The following SREK1IP1 variants were observed in gnomAD, a reference collection of about 807,000 sequenced individuals.
SREK1IP1 encodes protein SREK1IP1.
In SREK1IP1, 12 loss-of-function variants were observed where a neutral mutation model predicts 22.8. The observed-to-expected ratio is 0.53, with a 90% CI of 0.34 to 0.85. The LOEUF (loss-of-function observed/expected upper bound fraction) is 0.85, where lower values mean the gene tolerates loss of function less well. Ranked by LOEUF, SREK1IP1 falls within the 40% of genes least tolerant of loss-of-function variation. The pLI is 0.02. For missense variants in SREK1IP1, 147 were observed against 171.8 expected (o/e 0.86, Z 0.81); for synonymous variants, 53 against 52.7 (o/e 1.01, Z -0.02).
At chr5:64,747,784 C>T (rs537896991) in intron 2 of SREK1IP1, among the ~76,000 whole-genome samples, 2 of 152,032 alleles carry the variant, frequency 1.3e-5, no homozygotes, top group Admixed American at 6.5e-5. Flanking sequence ...AAAAAGTAGC[C>T]GGGCATGGTG....
chr5:64,767,602 G>T (rs1218500659), intron 1 of SREK1IP1, among the ~76,000 whole-genome samples: 1 of 152,190 alleles, frequency 6.6e-6, no homozygotes, highest in African/African-American at 2.4e-5. Flanking sequence ...ATAATACTGG[G>T]AAGTGCAGGT....
intron 1 of SREK1IP1, among the ~76,000 whole-genome samples, chr5:64,759,311 C>G (rs759010732): frequency 9.9e-5 from 15 of 152,272 alleles, no homozygotes; most frequent in Admixed American, 2.0e-4. Flanking sequence ...AAATCCATGT[C>G]AAAGTGACTA....
chr5:64,761,055 T>C (rs1438944585), intron 1 of SREK1IP1, among the ~76,000 whole-genome samples: 1 of 152,254 alleles, frequency 6.6e-6, no homozygotes, highest in Non-Finnish European at 1.5e-5. Context: ...TTATTGCATT[T>C]GTAAATTCTT....
At chr5:64,731,737 G>A (rs992554387) in intron 3 of SREK1IP1, among the ~76,000 whole-genome samples, 14 of 151,698 alleles carry the variant, frequency 9.2e-5, no homozygotes, top group Non-Finnish European at 1.5e-4. Context: ...GTAGTTTAGA[G>A]AACTAAAAAT....
In SREK1IP1 at chr5:64,718,970, T is replaced by A. The variant is rs539847969; in HGVS notation, c.*5414A>T. The A allele has an allele frequency of 6.6e-6, 1 of 152,320 alleles. No individual in the cohort carries two copies. Among genetic ancestry groups the A allele is most frequent in the African/African-American group, 2.4e-5 (1 of 41,578 alleles). 9.4% of individuals were successfully genotyped at this position (152,320 alleles called of 1,614,324 possible). A position where few individuals can be genotyped will look rare whatever the true frequency, so the allele number is the denominator to read the frequency against. On this transcript the variant is annotated 3_prime_UTR_variant, in exon 5 of 5. Transcript: ENST00000513458. The stretch of plus-strand genomic sequence containing the variant: ...TGAATACAGCTTCTCTGGTCTGATA[T>A]ATAAAAAAGAATACCTTATTTTTCT...
intron 2 of SREK1IP1, among the ~76,000 whole-genome samples, chr5:64,743,709 A>G (rs541344438): frequency 2.0e-5 from 3 of 152,272 alleles, no homozygotes; most frequent in Non-Finnish European, 4.4e-5. Context: ...ATTTTGCTAT[A>G]TATTTTGAGA....
intron 3 of SREK1IP1, among the ~76,000 whole-genome samples, chr5:64,728,875 T>C (rs1324628819): frequency 1.3e-5 from 2 of 152,202 alleles, no homozygotes; most frequent in Non-Finnish European, 2.9e-5. Flanking sequence ...GAAGTATTTC[T>C]GGGTGACAGA....
rs887390543 is a variant in SREK1IP1, at chr5:64,718,873, A to G, written c.*5511T>C. The G allele has an allele frequency of 1.2e-4, 19 of 152,230 alleles. No homozygotes were observed. The highest frequency in any genetic ancestry group is 4.1e-4 in the African/African-American group (17 of 41,472). 9.4% of individuals were successfully genotyped at this position (152,230 alleles called of 1,614,324 possible). On this transcript the variant is annotated 3_prime_UTR_variant, in exon 5 of 5. Coordinates refer to ENST00000513458, the MANE Select transcript of SREK1IP1 (RefSeq NM_173829.4). ...CCTGTAGTTTTTGTAGTCAGAAACTAGCATTTCAGACAAGATCTGGCACAT... is the reference window on the plus strand; with the variant it reads ...CCTGTAGTTTTTGTAGTCAGAAACTGGCATTTCAGACAAGATCTGGCACAT...
intron 2 of SREK1IP1, among the ~76,000 whole-genome samples, chr5:64,743,093 G>A (rs1004262256): frequency 6.6e-6 from 1 of 152,176 alleles, no homozygotes; most frequent in African/African-American, 2.4e-5. Context: ...GGCCTAGGAT[G>A]TAGTAAATTT....
rs1376274403 is a variant in SREK1IP1, at chr5:64,722,872, G to C, written c.*1512C>G. The C allele has an allele frequency of 6.6e-6, 1 of 152,186 alleles. No individual in the cohort carries two copies. 9.4% of individuals were successfully genotyped at this position (152,186 alleles called of 1,614,324 possible). On this transcript the variant is annotated 3_prime_UTR_variant, in exon 5 of 5. Coordinates refer to ENST00000513458, the MANE Select transcript of SREK1IP1 (RefSeq NM_173829.4). ...ATAAGGCTCCCTGAGTCTTACTGAG[G>C]GTATCCACATTGGGTGCCAGGTGAA...
At chr5:64,743,079 T>C (rs76275715) in intron 2 of SREK1IP1, among the ~76,000 whole-genome samples, 10,130 of 152,212 alleles carry the variant, frequency 0.067, 1,100 homozygotes, top group African/African-American at 0.23. Flanking sequence ...GAGACTTCTT[T>C]TGTGGCCTAG....
At chr5:64,733,634 C>T (rs1385606544) in intron 3 of SREK1IP1, among the ~76,000 whole-genome samples, 1 of 152,062 alleles carries the variant, frequency 6.6e-6, no homozygotes, top group Non-Finnish European at 1.5e-5. Flanking sequence ...ACCATAACAA[C>T]CCAGCAATTT....
intron 1 of SREK1IP1, among the ~76,000 whole-genome samples, chr5:64,765,861 C>T (rs561407234): frequency 6.6e-6 from 1 of 152,320 alleles, no homozygotes; most frequent in African/African-American, 2.4e-5. Context: ...GACACTGTGT[C>T]CTCCAGTGTG....
At chr5:64,733,121 G>C (rs1187834208) in intron 3 of SREK1IP1, among the ~76,000 whole-genome samples, 1 of 151,898 alleles carries the variant, frequency 6.6e-6, no homozygotes, top group African/African-American at 2.4e-5. Context: ...TCAGATCTAT[G>C]CATAGGCAAA....
intron 3 of SREK1IP1, among the ~76,000 whole-genome samples, chr5:64,737,589 A>T (rs183765535): frequency 3.9e-4 from 59 of 151,054 alleles, no homozygotes; most frequent in African/African-American, 1.4e-3. Flanking sequence ...AAAAAAAAAC[A>T]CAATAAATGA....
intron 1 of SREK1IP1, among the ~76,000 whole-genome samples, chr5:64,759,237 CTTAAG>C (rs1742904191): frequency 6.6e-6 from 1 of 152,160 alleles, no homozygotes; most frequent in African/African-American, 2.4e-5. Context: ...TCCTTTTCTG[CTTAAG>C]TTAACTAGTC....
intron 1 of SREK1IP1, among the ~76,000 whole-genome samples, chr5:64,763,270 G>A (rs183120949): frequency 1.7e-4 from 26 of 152,212 alleles, no homozygotes; most frequent in African/African-American, 6.0e-4. Context: ...TGGGCGCGGT[G>A]GCTCATGCCT....
At chr5:64,747,089 T>C (rs957754876) in intron 2 of SREK1IP1, among the ~76,000 whole-genome samples, 1 of 152,232 alleles carries the variant, frequency 6.6e-6, no homozygotes, top group Non-Finnish European at 1.5e-5. Context: ...ATGTGCTCTC[T>C]GTGTGCCACA....
At chr5:64,731,930 T>C (rs1347622302) in intron 3 of SREK1IP1, among the ~76,000 whole-genome samples, 4 of 152,090 alleles carry the variant, frequency 2.6e-5, no homozygotes, top group African/African-American at 9.7e-5. Context: ...ATGGTTGGCA[T>C]ACTAAGTTGG....
Sources: allele counts gnomAD v4.1 joint callset (sites outside exome capture counted in the v4.1 genomes callset), GRCh38; gene constraint gnomAD v4.1.1; transcripts MANE v1.5; gene names NCBI Gene and HGNC (gene_info 2026-07-23, HGNC 2026-07-21).